Variants in VWDE observed in about 807,000 individuals in gnomAD.
The protein encoded by VWDE is von Willebrand factor D and EGF domains, also known as von Willebrand factor D and EGF domain-containing protein.
In VWDE, 207 loss-of-function variants were observed where a neutral mutation model predicts 178.4. That is an observed-to-expected ratio of 1.16 (90% CI 1.04 to 1.30). The LOEUF (loss-of-function observed/expected upper bound fraction) is 1.30, where lower values mean the gene tolerates loss of function less well. Among genes scored for constraint, VWDE ranks in the 50% most tolerant of loss-of-function variants. VWDE has a pLI of 0.00. For synonymous variants in VWDE, 738 were observed against 651.4 expected (o/e 1.13, Z -2.02); for missense variants, 2,287 against 1,901.3 (o/e 1.20, Z -3.77).
chr7:12,361,079 GT>G, intron 15 of VWDE, 67 bp downstream of exon 15: 1 of 941,946 alleles, frequency 1.1e-6, no homozygotes, highest in Non-Finnish European at 1.5e-6. Flanking sequence ...TACAATTAAT[GT>G]GCCCACAGCA....
At chr7:12,348,757 C>T (rs62451486) in intron 19 of VWDE, among the ~76,000 whole-genome samples, 16,622 of 150,918 alleles carry the variant, frequency 0.11, 1,283 homozygotes, top group Non-Finnish European at 0.16. Context: ...AATCAGGCTG[C>T]TATAAAGACA....
chr7:12,385,863 A>G (rs943347315), intron 3 of VWDE, among the ~76,000 whole-genome samples: 1 of 152,168 alleles, frequency 6.6e-6, no homozygotes, highest in African/African-American at 2.4e-5. Flanking sequence ...GGACTTGAAT[A>G]TGGAGATTAT....
In VWDE at chr7:12,337,176, C is replaced by G. The variant is rs1475044967; in HGVS notation, c.4462+1G>C. ...GACAAATACATTTAGTGATGTCTTACTTTTTTGGAATCTCCTACCAGTGTA... is the reference window on the plus strand; with the variant it reads ...GACAAATACATTTAGTGATGTCTTAGTTTTTTGGAATCTCCTACCAGTGTA... On this transcript the variant is annotated splice_donor_variant, in intron 25 of 28. Transcript: ENST00000275358. LOFTEE classifies it high-confidence loss of function. 2 of 1,551,636 alleles carry G rather than the reference C, an allele frequency of 1.3e-6. No individual in the cohort carries two copies. The highest frequency in any genetic ancestry group is 8.7e-7 in the Non-Finnish European group (1 of 1,146,872).
intron 23 of VWDE, among the ~76,000 whole-genome samples, chr7:12,340,985 A>G (rs1456296216): frequency 3.9e-5 from 6 of 152,128 alleles, no homozygotes; most frequent in Non-Finnish European, 8.8e-5. Context: ...TTTTCACCCT[A>G]GATCCTACCC....
At chr7:12,378,761 C>A (rs1783676372) in intron 6 of VWDE, among the ~76,000 whole-genome samples, 1 of 152,130 alleles carries the variant, frequency 6.6e-6, no homozygotes, top group Non-Finnish European at 1.5e-5. Context: ...TTCCTGGTTC[C>A]TACTGTGTGT....
chr7:12,376,132 T>TA (rs1562501716), intron 7 of VWDE, among the ~76,000 whole-genome samples: 1 of 151,996 alleles, frequency 6.6e-6, no homozygotes, highest in African/African-American at 2.4e-5. Context: ...CCCATGCACA[T>TA]AAAAAATAAC....
At position 12,373,224 on chromosome 7, in the gene VWDE, C is replaced by G. The variant is rs1783311496; in HGVS notation, c.1340G>C (p.Gly447Ala). 1 of 1,551,056 alleles carries G rather than the reference C, an allele frequency of 6.4e-7. No individual in the cohort carries two copies. Among genetic ancestry groups the G allele is most frequent in the East Asian group, 2.4e-5 (1 of 40,894 alleles). The stretch of plus-strand genomic sequence containing the variant: ...CATACTCTTATAAAGCACAAATGTT[C>G]CAGTCTTGAAATTATCATATACCCT... ...DGRVYDNFKT[G>A]TFVLYKSMSR... The change falls in exon 10 of 29, where the codon GGA becomes GCA. Residue 447 changes from glycine to alanine, a missense_variant. Transcript: ENST00000275358.
chr7:12,389,980 T>C (rs1446681726), intron 2 of VWDE, among the ~76,000 whole-genome samples: 6 of 151,958 alleles, frequency 3.9e-5, no homozygotes, highest in Non-Finnish European at 5.9e-5. Context: ...CTGGCTAACA[T>C]GGTGAAACCC....
In VWDE at chr7:12,394,265, G is replaced by A. The variant is rs147842539; in HGVS notation, c.59-487C>T. Among the ~76,000 whole-genome samples, 4 of 152,270 alleles carry A rather than the reference G, an allele frequency of 2.6e-5. No homozygotes were observed. In the East Asian group the frequency reaches 5.8e-4, roughly 22 times the overall value. On this transcript the variant is annotated intron_variant, in intron 1 of 28. Transcript: ENST00000275358. ...ATCTTTTAATGCTAACTCAACAGGT[G>A]TAAAGTGCTTTCAAACTAAAGTTTA... is the stretch of plus-strand genomic sequence containing the variant.
chr7:12,370,716 T>C lies in VWDE; in HGVS notation c.1736A>G (p.Lys579Arg). ...ATTTTGATCAATTTGCATCCCATTT[T>C]TGTCATGGAAATCATTTTCCGGATT... The part of the protein sequence containing the change: ...DENPENDFHD[K>R]NGMQIDQNFN... The change falls in exon 11 of 29, where the codon AAA becomes AGA. Residue 579 changes from lysine to arginine, a missense_variant. Lys to Arg is a conservative substitution (Grantham distance 26, BLOSUM62 2). Transcript: ENST00000275358. 1.9e-6 allele frequency: 3 copies of C among 1,551,242 alleles called. No individual in the cohort carries two copies. The highest frequency in any genetic ancestry group is 2.6e-6 in the Non-Finnish European group (3 of 1,146,712).
chr7:12,388,125 T>C (rs1195233859), intron 3 of VWDE, among the ~76,000 whole-genome samples: 1 of 152,192 alleles, frequency 6.6e-6, no homozygotes, highest in Non-Finnish European at 1.5e-5. Flanking sequence ...TATTCTTTCC[T>C]GGTTTTTCAT....
chr7:12,393,732 A>G lies in VWDE; in HGVS notation c.105T>C (p.Tyr35=), dbSNP rs1246201078. The change falls in exon 2 of 29, where the codon TAT becomes TAC. Residue 35 remains tyrosine (Y), a synonymous_variant. Transcript: ENST00000275358. ...PGGHQFLRSP[Y]RSVRFDSWHL... is the part of the protein sequence containing the mutation. ...GCCATGAGTCAAAACGGACACTTCT[A>G]TAAGGACTCCGAAGAAACTGGTGTC... The G allele has an allele frequency of 3.9e-6, 6 of 1,551,004 alleles. No homozygotes were observed. Among genetic ancestry groups the G allele is most frequent in the Non-Finnish European group, 3.5e-6 (4 of 1,146,642 alleles).
intron 19 of VWDE, among the ~76,000 whole-genome samples, chr7:12,348,122 T>C (rs942629181): frequency 4.0e-5 from 6 of 151,754 alleles, no homozygotes; most frequent in African/African-American, 1.5e-4. Context: ...ATAAAAACCC[T>C]AGAAGAAAAC....
intron 18 of VWDE, chr7:12,354,478 C>T (rs563827338): frequency 5.3e-6 from 2 of 379,634 alleles, no homozygotes. Flanking sequence ...ATCTTCCTGG[C>T]AATTTTTGCC....
chr7:12,338,105 C>T (rs1280026537), intron 24 of VWDE, among the ~76,000 whole-genome samples: 2 of 152,092 alleles, frequency 1.3e-5, no homozygotes, highest in East Asian at 1.9e-4. Flanking sequence ...TGTGGACTGA[C>T]GCCCTGTTTG....
At chr7:12,358,920 T>C (rs778289123) in intron 16 of VWDE, among the ~76,000 whole-genome samples, 22 of 152,168 alleles carry the variant, frequency 1.4e-4, no homozygotes, top group Non-Finnish European at 2.4e-4. Flanking sequence ...TAATGAAATA[T>C]GCACATACAA....
chr7:12,403,441 C>T lies in VWDE; in HGVS notation c.58+218G>A, dbSNP rs190702096. ...GTAGAGTAAGAGGAGGCAACAACCGCATGTGCGCAAAAGAAAAGTGTAGAG... is the reference window on the plus strand; with the variant it reads ...GTAGAGTAAGAGGAGGCAACAACCGTATGTGCGCAAAAGAAAAGTGTAGAG... On this transcript the variant is annotated intron_variant, in intron 1 of 28. Transcript: ENST00000275358. 4.1e-3 allele frequency among the ~76,000 whole-genome samples: 621 copies of T among 152,352 alleles called. 2 individuals are homozygous for T. Among genetic ancestry groups the T allele is most frequent in the Non-Finnish European group, 7.0e-3 (476 of 68,038 alleles).
intron 13 of VWDE, among the ~76,000 whole-genome samples, chr7:12,361,796 C>G (rs1782595831): frequency 6.6e-6 from 1 of 151,950 alleles, no homozygotes; most frequent in Admixed American, 6.6e-5. Context: ...CAATGGATCA[C>G]TATGTAACGA....
intron 24 of VWDE, among the ~76,000 whole-genome samples, chr7:12,337,712 T>C (rs1252390261): frequency 6.6e-6 from 1 of 152,170 alleles, no homozygotes; most frequent in East Asian, 1.9e-4. Flanking sequence ...GAGTACTTAC[T>C]GAGGTTATGA....
Sources: allele counts gnomAD v4.1 joint callset (sites outside exome capture counted in the v4.1 genomes callset), GRCh38; gene constraint gnomAD v4.1.1; transcripts MANE v1.5; gene names NCBI Gene and HGNC (gene_info 2026-07-23, HGNC 2026-07-21).